PELI2: variants seen among roughly 807,000 people sequenced by gnomAD.
The protein encoded by PELI2 is pellino E3 ubiquitin protein ligase family member 2.
A neutral mutation model predicts 42.3 loss-of-function variants in PELI2; 23 were observed. That is an observed-to-expected ratio of 0.54 (90% CI 0.39 to 0.77). The LOEUF (loss-of-function observed/expected upper bound fraction) is 0.77, where lower values mean the gene tolerates loss of function less well. Ranked by LOEUF, PELI2 falls within the 30% of genes least tolerant of loss-of-function variation. The probability of loss-of-function intolerance (pLI) is 0.00; values close to 1 mark genes in which losing one functional copy is unlikely to be tolerated. For missense variants in PELI2, 463 were observed against 553.2 expected, an observed-to-expected ratio of 0.84 and a Z score of 1.64; for synonymous variants, 245 against 212.2, an observed-to-expected ratio of 1.15 and a Z score of -1.34.
Position 56,288,931 on chromosome 14 carries a change from A to T in PELI2, c.507+297A>T, listed in dbSNP as rs1889734126. Among the ~76,000 whole-genome samples the T allele has an allele frequency of 6.6e-6, 1 of 152,178 alleles. No homozygotes were observed. Among genetic ancestry groups the T allele is most frequent in the Admixed American group, 6.5e-5 (1 of 15,278 alleles). On this transcript the variant is annotated intron_variant, in intron 4 of 5. Coordinates refer to ENST00000267460, the MANE Select transcript of PELI2 (RefSeq NM_021255.3). This position sits in a 1 kb window ranked among gnomAD's most constrained non-coding sequence, Gnocchi z 4.6. ...ACGGCAACGAAGAGGTTTATTTCAG[A>T]GAGAAAAATAAATGGGCCAAATTTA...
chr14:56,138,873 T>C (rs1883789029), intron 1 of PELI2, among the ~76,000 whole-genome samples: 1 of 152,260 alleles, frequency 6.6e-6, no homozygotes. Context: ...TGATTTCTCC[T>C]GTGTTGTTGA....
intron 2 of PELI2, among the ~76,000 whole-genome samples, chr14:56,234,625 T>A (rs989671115): frequency 6.6e-6 from 1 of 152,122 alleles, no homozygotes; most frequent in Non-Finnish European, 1.5e-5. Flanking sequence ...GGGTGAGGGA[T>A]AGCATTAGGA....
At chr14:56,218,817 T>C (rs1225058036) in intron 2 of PELI2, among the ~76,000 whole-genome samples, 1 of 152,178 alleles carries the variant, frequency 6.6e-6, no homozygotes, top group Non-Finnish European at 1.5e-5. Context: ...AAGAGAGCTA[T>C]TGGTCTGAAA....
chr14:56,189,278 T>G (rs1885877307), intron 2 of PELI2, among the ~76,000 whole-genome samples: 1 of 152,230 alleles, frequency 6.6e-6, no homozygotes. Context: ...ACTCAGTTTT[T>G]GTCCATCATG....
chr14:56,246,854 T>C (rs753347316), intron 2 of PELI2, among the ~76,000 whole-genome samples: 10 of 152,238 alleles, frequency 6.6e-5, no homozygotes, highest in Non-Finnish European at 1.3e-4. Flanking sequence ...ATACTTACTA[T>C]CTTGGCCACG....
At chr14:56,233,776 G>A (rs1231338351) in intron 2 of PELI2, among the ~76,000 whole-genome samples, 2 of 152,166 alleles carry the variant, frequency 1.3e-5, no homozygotes, top group Non-Finnish European at 2.9e-5. Flanking sequence ...AAACTAAAGA[G>A]CTTCTGCACA....
rs754097126 is a variant in PELI2, at chr14:56,279,686, G to T, written c.218G>T (p.Cys73Phe). Residue 73 changes from cysteine (C) to phenylalanine (F), a missense_variant, in exon 3 of 6, where the codon TGC (cysteine) becomes TTC (phenylalanine). Physicochemically the swap from Cys to Phe is radical, Grantham distance 205. Transcript: ENST00000267460. ...AAATTTTATTATTAGGCTATCAGCT[G>T]CAAAGGTCAACACAGTATATCCTAC... ...STPQASKAIS[C>F]KGQHSISYTL... The T allele has an allele frequency of 7.0e-6, 11 of 1,571,826 alleles. No individual in the cohort carries two copies. The East Asian group carries it at 2.3e-4, about 32-fold the overall frequency.
chr14:56,276,022 T>G (rs1262618005), intron 2 of PELI2, among the ~76,000 whole-genome samples: 1 of 152,186 alleles, frequency 6.6e-6, no homozygotes, highest in Non-Finnish European at 1.5e-5. Context: ...TGGAAATGAT[T>G]GGCTCAAGTC....
chr14:56,237,265 C>A (rs1315580123), intron 2 of PELI2, among the ~76,000 whole-genome samples: 1 of 152,102 alleles, frequency 6.6e-6, no homozygotes, highest in Non-Finnish European at 1.5e-5. Flanking sequence ...AAATGGAAAT[C>A]CTCAATTAAT....
intron 2 of PELI2, among the ~76,000 whole-genome samples, chr14:56,215,739 G>C (rs1886888207): frequency 1.3e-5 from 2 of 152,180 alleles, no homozygotes; most frequent in Admixed American, 6.5e-5. Context: ...TTGCAAATCA[G>C]ATTTTTAATT....
Position 56,300,786 on chromosome 14 carries a change from C to CTT in PELI2, c.*3620_*3621insTT, listed in dbSNP as rs1404671054. 6.6e-5 allele frequency: 10 copies of CTT among 152,124 alleles called. No individual in the cohort carries two copies. The highest frequency in any genetic ancestry group is 2.4e-4 in the African/African-American group (10 of 41,410). The allele number at this position is 152,124 out of a possible 1,614,324, so 9.4% of individuals were successfully genotyped here. On this transcript the variant is annotated 3_prime_UTR_variant, in exon 6 of 6. Transcript: ENST00000267460. ...TCCCTTTACTGTCAATCTTCTGTCC[C>CTT]AGTAGTTTAGCCTTTGTGGCTTAGG...
At position 56,231,193 on chromosome 14, in the gene PELI2, G is replaced by A. The variant is rs544813849; in HGVS notation, c.208-48483G>A. On this transcript the variant is annotated intron_variant, in intron 2 of 5. Transcript: ENST00000267460. ...AATACACCACTGTCAACATTAGACA[G>A]ATCAACGAGACAGAAAGTTAACAAG... Among the ~76,000 whole-genome samples, 5 of 152,286 alleles carry A rather than the reference G, an allele frequency of 3.3e-5. No individual in the cohort carries two copies. The South Asian group carries it at 1.0e-3, about 32-fold the overall frequency.
chr14:56,223,554 C>A (rs538839614), intron 2 of PELI2, among the ~76,000 whole-genome samples: 132 of 152,156 alleles, frequency 8.7e-4, no homozygotes, highest in African/African-American at 3.0e-3. Context: ...TGGGTGCAGT[C>A]ATAATAATAG....
chr14:56,252,320 A>G (rs1888375707), intron 2 of PELI2, among the ~76,000 whole-genome samples: 1 of 152,236 alleles, frequency 6.6e-6, no homozygotes, highest in Non-Finnish European at 1.5e-5. Context: ...TACCTTGTTC[A>G]TCAATATCAC....
chr14:56,278,502 A>C (rs112548089), intron 2 of PELI2, among the ~76,000 whole-genome samples: 323 of 152,290 alleles, frequency 2.1e-3, no homozygotes, highest in African/African-American at 7.6e-3. Flanking sequence ...GTACTTTAAG[A>C]AGTATTTTTT....
chr14:56,193,552 A>T (rs1254255042), intron 2 of PELI2, among the ~76,000 whole-genome samples: 2 of 152,216 alleles, frequency 1.3e-5, no homozygotes. Context: ...GCAAGCAAAT[A>T]CTTAGTCATA....
At chr14:56,187,957 T>TAA (rs1304768097) in intron 2 of PELI2, among the ~76,000 whole-genome samples, 1 of 152,224 alleles carries the variant, frequency 6.6e-6, no homozygotes, top group Non-Finnish European at 1.5e-5. Context: ...CTGTGGACCT[T>TAA]CGCAGGGGGC....
intron 2 of PELI2, among the ~76,000 whole-genome samples, chr14:56,243,966 T>C (rs2139800323): frequency 6.6e-6 from 1 of 152,356 alleles, no homozygotes; most frequent in African/African-American, 2.4e-5. Context: ...TCTCCAGTGC[T>C]TTCTCTTTTA....
rs1808399986 is a variant in PELI2 at position 56,126,448 on chromosome 14, C to T, written c.77+7711C>T. 2.0e-5 allele frequency among the ~76,000 whole-genome samples: 3 copies of T among 152,232 alleles called. 1 individual carries two copies. The highest frequency in any genetic ancestry group is 4.1e-4 in the South Asian group (2 of 4,836). On this transcript the variant is annotated intron_variant, in intron 1 of 5. Coordinates refer to ENST00000267460, the MANE Select transcript of PELI2 (RefSeq NM_021255.3). The stretch of plus-strand genomic sequence containing the variant: ...CACTCTGCTTATCCCTGCTTTTCTG[C>T]TCATGCAGAATCTGTTTTTAGGATA...
Sources: allele counts gnomAD v4.1 joint callset (sites outside exome capture counted in the v4.1 genomes callset), GRCh38; gene constraint gnomAD v4.1.1; non-coding constraint Gnocchi (gnomAD v3.1); transcripts MANE v1.5; gene names NCBI Gene and HGNC (gene_info 2026-07-23, HGNC 2026-07-21).